Variants in NPR2 observed in about 807,000 individuals in gnomAD.
The protein encoded by NPR2 is natriuretic peptide receptor 2, also known as atrial natriuretic peptide receptor 2.
A neutral mutation model predicts 120.7 loss-of-function variants in NPR2; 49 were observed. That is an observed-to-expected ratio of 0.41 (90% CI 0.32 to 0.52). The LOEUF (loss-of-function observed/expected upper bound fraction) is 0.52. Among genes scored for constraint, NPR2 ranks in the 20% least tolerant of loss-of-function variants. The probability of loss-of-function intolerance (pLI) is 0.36; values close to 1 mark genes in which losing one functional copy is unlikely to be tolerated. For missense variants in NPR2, 931 were observed against 1,362.9 expected (o/e 0.68, Z 4.99); for synonymous variants, 484 against 519.8 (o/e 0.93, Z 0.94).
chr9:35,808,125 T>A lies in NPR2; in HGVS notation c.2713-384T>A. On this transcript the variant is annotated intron_variant, in intron 18 of 21. Coordinates refer to ENST00000342694, the MANE Select transcript of NPR2 (RefSeq NM_003995.4). The surrounding 1 kb of genome is among the most constrained non-coding windows in gnomAD (Gnocchi z 4.0). ...ATCAAATGCCTGCTTTCCTCCTCTC[T>A]GACAGTTTGGGCTGTCAGGTCCATT... 7.2e-7 allele frequency: 1 copy of A among 1,388,274 alleles called. No homozygotes were observed. Among genetic ancestry groups the A allele is most frequent in the Non-Finnish European group, 1.0e-6 (1 of 975,766 alleles). The allele number at this position is 1,388,274 out of a possible 1,614,324, so 86.0% of individuals were successfully genotyped here. A position where few individuals can be genotyped will look rare whatever the true frequency, so the allele number is the denominator to read the frequency against.
At chr9:35,801,219 C>A in intron 7 of NPR2, 65 bp downstream of exon 7, 1 of 1,210,482 alleles carries the variant, frequency 8.3e-7, no homozygotes, top group Non-Finnish European at 1.2e-6. Context: ...CTGGCTGAAG[C>A]CAGGTGGTCC....
Position 35,801,220 on chromosome 9 carries a change from C to T in NPR2, c.1436+66C>T, listed in dbSNP as rs1207881844. ...TTGCCACACAACCTCTGGCTGAAGC[C>T]AGGTGGTCCCTATAATGTGGGATAG... is the stretch of plus-strand genomic sequence containing the variant. On this transcript the variant is annotated intron_variant, in intron 7 of 21. Coordinates refer to ENST00000342694, the MANE Select transcript of NPR2 (RefSeq NM_003995.4). 2.5e-6 allele frequency: 3 copies of T among 1,214,856 alleles called. No homozygotes were observed. In the East Asian group the frequency reaches 7.0e-5, roughly 28 times the overall value. 75.3% of individuals were successfully genotyped at this position (1,214,856 alleles called of 1,614,324 possible). A position where few individuals can be genotyped will look rare whatever the true frequency, so the allele number is the denominator to read the frequency against.
chr9:35,808,385 A>G lies in NPR2; in HGVS notation c.2713-124A>G. ...CTCAGGACCATGGCACTTATTTTCT[A>G]GTCAATATTCTGGTCTCCAGCATGT... is the stretch of plus-strand genomic sequence containing the variant. On this transcript the variant is annotated intron_variant, in intron 18 of 21. Transcript: ENST00000342694. This position sits in a 1 kb window ranked among gnomAD's most constrained non-coding sequence, Gnocchi z 4.0. 2.9e-6 allele frequency: 4 copies of G among 1,397,506 alleles called. No individual in the cohort carries two copies. Among genetic ancestry groups the G allele is most frequent in the Non-Finnish European group, 2.0e-6 (2 of 990,232 alleles). 86.6% of individuals were successfully genotyped at this position (1,397,506 alleles called of 1,614,324 possible). A position where few individuals can be genotyped will look rare whatever the true frequency, so the allele number is the denominator to read the frequency against.
chr9:35,800,233 G>A lies in NPR2; in HGVS notation c.1123+76G>A. 1 of 1,477,748 alleles carries A rather than the reference G, an allele frequency of 6.8e-7. No individual in the cohort carries two copies. Among genetic ancestry groups the A allele is most frequent in the Non-Finnish European group, 9.5e-7 (1 of 1,055,768 alleles). 91.5% of individuals were successfully genotyped at this position (1,477,748 alleles called of 1,614,324 possible). On this transcript the variant is annotated intron_variant, in intron 4 of 21. Transcript: ENST00000342694. This position sits in a 1 kb window ranked among gnomAD's most constrained non-coding sequence, Gnocchi z 4.7. ...TGGGCTGAAGAAGAAACAGATGTCA[G>A]GATCACCACAGCTTTAGTGGGGGTT... is the stretch of plus-strand genomic sequence containing the variant.
intron 12 of NPR2, among the ~76,000 whole-genome samples, chr9:35,803,540 A>C (rs1156344431): frequency 6.6e-6 from 1 of 152,242 alleles, no homozygotes; most frequent in Non-Finnish European, 1.5e-5. Context: ...ACTGAAATTT[A>C]AAAAAGGAAC....
chr9:35,803,747 C>A (rs1828260719), intron 12 of NPR2, among the ~76,000 whole-genome samples: 1 of 152,202 alleles, frequency 6.6e-6, no homozygotes, highest in Non-Finnish European at 1.5e-5. Flanking sequence ...AGTGGATCAC[C>A]CCACACTGTA....
rs989621852 is a variant in NPR2 at position 35,801,679 on chromosome 9, G to A, written c.1473G>A (p.Leu491=). 1.2e-6 allele frequency: 2 copies of A among 1,614,148 alleles called. No homozygotes were observed. The highest frequency in any genetic ancestry group is 1.7e-6 in the Non-Finnish European group (2 of 1,179,962). ...LMLEKELASM[L]WRIRWEELQF... is the part of the protein sequence containing the mutation. ...TGGAGAAGGAGCTGGCTAGCATGTT[G>A]TGGCGTATTCGCTGGGAAGAACTGC... is the stretch of plus-strand genomic sequence containing the variant. The change falls in exon 8 of 22, where the codon TTG becomes TTA. Residue 491 remains leucine (L), a synonymous_variant. Transcript: ENST00000342694.
In NPR2 at chr9:35,805,725, A is replaced by T. The variant is rs1828346332; in HGVS notation, c.2047+55A>T. ...ATATTGCTCCTCTTTCCACCTAGGGATGGTGGGAGAGGGAGGTGGAGTGAC... is the reference window on the plus strand; with the variant it reads ...ATATTGCTCCTCTTTCCACCTAGGGTTGGTGGGAGAGGGAGGTGGAGTGAC... On this transcript the variant is annotated intron_variant, in intron 13 of 21. Transcript: ENST00000342694. This position sits in a 1 kb window ranked among gnomAD's most constrained non-coding sequence, Gnocchi z 4.9. 6.2e-7 allele frequency: 1 copy of T among 1,608,430 alleles called. No individual in the cohort carries two copies. Among genetic ancestry groups the T allele is most frequent in the Admixed American group, 1.7e-5 (1 of 60,004 alleles).
chr9:35,805,395 C>T lies in NPR2; in HGVS notation c.1888-116C>T. On this transcript the variant is annotated intron_variant, in intron 12 of 21. Coordinates refer to ENST00000342694, the MANE Select transcript of NPR2 (RefSeq NM_003995.4). This position sits in a 1 kb window ranked among gnomAD's most constrained non-coding sequence, Gnocchi z 4.9. ...TGCAAAGGATGCCTTCCAAAATCAG[C>T]TTATTATTTTTGTGGACCCAAGATC... The T allele has an allele frequency of 9.5e-7, 1 of 1,047,344 alleles. No homozygotes were observed. Among genetic ancestry groups the T allele is most frequent in the Non-Finnish European group, 1.5e-6 (1 of 671,554 alleles). 64.9% of individuals were successfully genotyped at this position (1,047,344 alleles called of 1,614,324 possible).
rs774392843 is a variant in NPR2 at position 35,809,232 on chromosome 9, G to C, written c.3063G>C (p.Gly1021=). Residue 1021 remains glycine, a synonymous_variant, in exon 21 of 22, where the codon GGG becomes GGC. Coordinates refer to ENST00000342694, the MANE Select transcript of NPR2 (RefSeq NM_003995.4). The surrounding 1 kb of genome is among the most constrained non-coding windows in gnomAD (Gnocchi z 4.1). ...GATGCTTCCAGCTAGAGCTTCGGGG[G>C]GATGTGGAAATGAAGGTGATGGCAG... The part of the protein sequence containing the change: ...ELGCFQLELR[G]DVEMKGKGKM... The C allele has an allele frequency of 5.0e-6, 8 of 1,613,948 alleles. No homozygotes were observed.
In NPR2 at chr9:35,808,916, AT is replaced by A; in HGVS notation, c.2986+64del. ...TTTATCTTGCCCTTTTCTTCTTTTC[AT>A]AATCCCTCCAATTTCTTAATCTGAG... On this transcript the variant is annotated intron_variant, in intron 20 of 21. Coordinates refer to ENST00000342694, the MANE Select transcript of NPR2 (RefSeq NM_003995.4). The surrounding 1 kb of genome is among the most constrained non-coding windows in gnomAD (Gnocchi z 4.0). The A allele has an allele frequency of 9.1e-7, 1 of 1,095,230 alleles. No homozygotes were observed. Among genetic ancestry groups the A allele is most frequent in the Non-Finnish European group, 1.4e-6 (1 of 706,722 alleles). The allele number at this position is 1,095,230 out of a possible 1,614,324, so 67.8% of individuals were successfully genotyped here. A position where few individuals can be genotyped will look rare whatever the true frequency, so the allele number is the denominator to read the frequency against.
rs770148600 is a variant in NPR2 at position 35,802,185 on chromosome 9, C to T, written c.1633-21C>T. The T allele has an allele frequency of 2.1e-5, 32 of 1,528,474 alleles. No homozygotes were observed. Among genetic ancestry groups the T allele is most frequent in the Non-Finnish European group, 2.8e-5 (31 of 1,102,094 alleles). 94.7% of individuals were successfully genotyped at this position (1,528,474 alleles called of 1,614,324 possible). On this transcript the variant is annotated intron_variant, in intron 9 of 21. Transcript: ENST00000342694. The surrounding 1 kb of genome is among the most constrained non-coding windows in gnomAD (Gnocchi z 4.2). ...AACTTCTGATATTCACTTTCCTTTC[C>T]CCTTTCACTCCCACCATCAGGGAAA...
At position 35,803,114 on chromosome 9, in the gene NPR2, T is replaced by A. The variant is rs547973303; in HGVS notation, c.1887+311T>A. ...GAGTGGAGTCTCTGAACATATTTTT[T>A]TTTTTTTGAGACGGAGTCTCGCTCT... On this transcript the variant is annotated intron_variant, in intron 12 of 21. Transcript: ENST00000342694. 3.7e-5 allele frequency among the ~76,000 whole-genome samples: 3 copies of A among 82,176 alleles called. 1 individual carries two copies. Among genetic ancestry groups the A allele is most frequent in the Non-Finnish European group, 6.8e-5 (3 of 44,188 alleles). 53.9% of individuals were successfully genotyped at this position (82,176 alleles called of 152,430 possible). A position where few individuals can be genotyped will look rare whatever the true frequency, so the allele number is the denominator to read the frequency against.
Position 35,808,495 on chromosome 9 carries a change from C to G in NPR2, c.2713-14C>G. ...TATAAATAGAGGTGACCTTTTAATC[C>G]CCCTCTCAATCAGGTGGAGACGATT... On this transcript the variant is annotated splice_polypyrimidine_tract_variant and intron_variant, in intron 18 of 21. Transcript: ENST00000342694. The surrounding 1 kb of genome is among the most constrained non-coding windows in gnomAD (Gnocchi z 4.0). 1 of 1,613,650 alleles carries G rather than the reference C, an allele frequency of 6.2e-7. No individual in the cohort carries two copies. Among genetic ancestry groups the G allele is most frequent in the Non-Finnish European group, 8.5e-7 (1 of 1,179,778 alleles).
Position 35,794,065 on chromosome 9 carries a change from A to G in NPR2, c.835A>G (p.Thr279Ala), listed in dbSNP as rs750846692. The part of the protein sequence containing the change: ...ATGRPWQDNR[T>A]REQAQALREA... ...AGGCCGGCCCTGGCAGGACAATCGC[A>G]CCCGGGAACAGGCCCAGGCCCTCAG... The change falls in exon 2 of 22, where the codon ACC becomes GCC. Residue 279 changes from threonine (T) to alanine (A), a missense_variant. Thr to Ala is a moderately conservative substitution (Grantham distance 58). Around this residue, in one of 3 missense-constraint regions of NPR2, gnomAD observed 681 missense variants for 974.3 expected, o/e 0.70. Coordinates refer to ENST00000342694, the MANE Select transcript of NPR2 (RefSeq NM_003995.4). The G allele has an allele frequency of 1.9e-6, 3 of 1,613,924 alleles. No homozygotes were observed. The highest frequency in any genetic ancestry group is 2.5e-6 in the Non-Finnish European group (3 of 1,180,014).
chr9:35,802,551 A>G lies in NPR2; in HGVS notation c.1759A>G (p.Ile587Val), dbSNP rs1282716435. 2 of 1,610,922 alleles carry G rather than the reference A, an allele frequency of 1.2e-6. No homozygotes were observed. The highest frequency in any genetic ancestry group is 1.1e-5 in the South Asian group (1 of 91,036). ...TCTCACTCGCTTCATTGGCGCCTGC[A>G]TAGACCCTCCCAACATTTGCATTGT... ...NHLTRFIGAC[I>V]DPPNICIVTE... The change falls in exon 11 of 22, where the codon ATA becomes GTA. Residue 587 changes from isoleucine (I) to valine (V), a missense_variant. Around this residue, in one of 3 missense-constraint regions of NPR2, gnomAD observed 681 missense variants for 974.3 expected, o/e 0.70. Coordinates refer to ENST00000342694, the MANE Select transcript of NPR2 (RefSeq NM_003995.4). This position sits in a 1 kb window ranked among gnomAD's most constrained non-coding sequence, Gnocchi z 4.2.
At position 35,802,093 on chromosome 9, in the gene NPR2, C is replaced by A; in HGVS notation, c.1632+93C>A. 1 of 1,386,900 alleles carries A rather than the reference C, an allele frequency of 7.2e-7. No individual in the cohort carries two copies. Among genetic ancestry groups the A allele is most frequent in the South Asian group, 1.2e-5 (1 of 86,542 alleles). The allele number at this position is 1,386,900 out of a possible 1,614,324, so 85.9% of individuals were successfully genotyped here. On this transcript the variant is annotated intron_variant, in intron 9 of 21. Coordinates refer to ENST00000342694, the MANE Select transcript of NPR2 (RefSeq NM_003995.4). This position sits in a 1 kb window ranked among gnomAD's most constrained non-coding sequence, Gnocchi z 4.2. ...GCCCCTGAACCTCTGTCCCTCATAC[C>A]CGACTCTCTGTGCCCAGCTGAGCTC...
Position 35,792,581 on chromosome 9 carries a change from G to C in NPR2, c.173G>C (p.Arg58Pro), listed in dbSNP as rs752540860. 6 of 1,613,104 alleles carry C rather than the reference G, an allele frequency of 3.7e-6. No homozygotes were observed. Among genetic ancestry groups the C allele is most frequent in the Middle Eastern group, 1.6e-4 (1 of 6,062 alleles). Residue 58 changes from arginine to proline, a missense_variant, in exon 1 of 22, where the codon CGG becomes CCG. Physicochemically the swap from Arg to Pro is moderately radical, Grantham distance 103. Around this residue, in one of 3 missense-constraint regions of NPR2, gnomAD observed 681 missense variants for 974.3 expected, o/e 0.70. Transcript: ENST00000342694. ...GCACTAGCTGTGGAGGCTCTGGGCC[G>C]GGCACTGCCCGTGGACCTGCGGTTT... Reference protein sequence around the residue: ...AVALAVEALGRALPVDLRFVS... With the variant: ...AVALAVEALGPALPVDLRFVS...
Position 35,809,081 on chromosome 9 carries a change from A to G in NPR2, c.2987-75A>G. Reference sequence around the variant, plus strand: ...GATGGTTGGTCGGGCACGGTGCTATACAGTATCACCAATTATTTGATTGCC... The same window carrying G: ...GATGGTTGGTCGGGCACGGTGCTATGCAGTATCACCAATTATTTGATTGCC... On this transcript the variant is annotated intron_variant, in intron 20 of 21. Transcript: ENST00000342694. This position sits in a 1 kb window ranked among gnomAD's most constrained non-coding sequence, Gnocchi z 4.1. 1 of 1,365,298 alleles carries G rather than the reference A, an allele frequency of 7.3e-7. No homozygotes were observed. Among genetic ancestry groups the G allele is most frequent in the Middle Eastern group, 2.1e-4 (1 of 4,792 alleles). The allele number at this position is 1,365,298 out of a possible 1,614,324, so 84.6% of individuals were successfully genotyped here. A position where few individuals can be genotyped will look rare whatever the true frequency, so the allele number is the denominator to read the frequency against.
Sources: gnomAD v4.1 joint callset for allele counts (sites outside exome capture counted in the v4.1 genomes callset) on GRCh38, gnomAD v4.1.1 for gene constraint, gnomAD v4.1.1 regional missense constraint, Gnocchi (gnomAD v3.1) non-coding constraint, MANE v1.5 for transcripts, NCBI Gene and HGNC (gene_info 2026-07-23, HGNC 2026-07-21) for gene names.